Variants in THSD7B observed in about 807,000 individuals in gnomAD.
The protein encoded by THSD7B is thrombospondin type 1 domain containing 7B, also known as thrombospondin type-1 domain-containing protein 7B.
In THSD7B, 138 loss-of-function variants were observed where a neutral mutation model predicts 213.6. The observed-to-expected ratio is 0.65, with a 90% CI of 0.56 to 0.74. THSD7B has a LOEUF of 0.74. Among genes scored for constraint, THSD7B ranks in the 30% least tolerant of loss-of-function variants. The pLI is 0.00. For synonymous variants in THSD7B, 742 were observed against 687.0 expected (o/e 1.08, Z -1.25); for missense variants, 1,931 against 1,991.5 (o/e 0.97, Z 0.58).
At chr2:136,832,161 G>A (rs1682767052) in intron 1 of THSD7B, among the ~76,000 whole-genome samples, 1 of 143,698 alleles carries the variant, frequency 7.0e-6, no homozygotes, top group Non-Finnish European at 1.5e-5. Flanking sequence ...AGAATCAATA[G>A]GATATACATC....
At chr2:137,585,370 GC>G (rs1681698832) in intron 17 of THSD7B, among the ~76,000 whole-genome samples, 1 of 151,762 alleles carries the variant, frequency 6.6e-6, no homozygotes, top group Non-Finnish European at 1.5e-5. Flanking sequence ...GTTATTTCTT[GC>G]CTTCTGCTAG....
intron 2 of THSD7B, among the ~76,000 whole-genome samples, chr2:136,961,942 C>T (rs894654090): frequency 1.3e-5 from 2 of 152,140 alleles, no homozygotes; most frequent in African/African-American, 2.4e-5. Context: ...TCCTAATGCC[C>T]AGGATGTATG....
chr2:137,465,450 T>C (rs1687974456), intron 15 of THSD7B, among the ~76,000 whole-genome samples: 2 of 152,240 alleles, frequency 1.3e-5, no homozygotes, highest in South Asian at 4.1e-4. Context: ...GAATATCTAG[T>C]AATGTGATCC....
chr2:137,246,752 C>A (rs1394983591), intron 10 of THSD7B, among the ~76,000 whole-genome samples: 2 of 151,442 alleles, frequency 1.3e-5, no homozygotes, highest in Non-Finnish European at 2.9e-5. Flanking sequence ...TATCACGAAC[C>A]ATTTCCTTTG....
chr2:136,787,070 T>C (rs1681869266), intron 1 of THSD7B, among the ~76,000 whole-genome samples: 1 of 152,090 alleles, frequency 6.6e-6, no homozygotes, highest in Non-Finnish European at 1.5e-5. Flanking sequence ...GAAGAAAGCA[T>C]AGGGTAATTT....
At chr2:137,449,729 C>T (rs1231068694) in intron 14 of THSD7B, among the ~76,000 whole-genome samples, 1 of 152,120 alleles carries the variant, frequency 6.6e-6, no homozygotes, top group Non-Finnish European at 1.5e-5. Flanking sequence ...TCAAGGCCAG[C>T]AGGAGAATCT....
intron 17 of THSD7B, among the ~76,000 whole-genome samples, chr2:137,608,132 T>C (rs1338273946): frequency 2.0e-5 from 3 of 152,206 alleles, no homozygotes; most frequent in Admixed American, 2.0e-4. Flanking sequence ...ACTGGGAGCA[T>C]CTTTTGTGCA....
chr2:137,412,027 A>T, intron 14 of THSD7B, 155 bp downstream of exon 14: 1 of 835,664 alleles, frequency 1.2e-6, no homozygotes, highest in Non-Finnish European at 1.8e-6. Flanking sequence ...GGACAGATGA[A>T]ATGCATACAT....
chr2:137,098,732 C>A (rs547524737), intron 4 of THSD7B, among the ~76,000 whole-genome samples: 10 of 152,218 alleles, frequency 6.6e-5, no homozygotes, highest in Admixed American at 5.2e-4. Flanking sequence ...GGGGGATACT[C>A]TTCTCATTGC....
At chr2:136,875,035 C>A (rs1346305951) in intron 1 of THSD7B, among the ~76,000 whole-genome samples, 3 of 152,116 alleles carry the variant, frequency 2.0e-5, no homozygotes, top group Non-Finnish European at 4.4e-5. Context: ...AAAATGACTC[C>A]CAATACTTTC....
intron 17 of THSD7B, among the ~76,000 whole-genome samples, chr2:137,583,354 T>A (rs1371568172): frequency 6.6e-6 from 1 of 152,240 alleles, no homozygotes; most frequent in Admixed American, 6.5e-5. Context: ...TAGATCCCAT[T>A]TGTCAATTTT....
intron 3 of THSD7B, among the ~76,000 whole-genome samples, chr2:137,069,753 T>C (rs1687445840): frequency 6.6e-6 from 1 of 151,804 alleles, no homozygotes; most frequent in African/African-American, 2.4e-5. Flanking sequence ...TAAAAATAAG[T>C]CCCCAAACAA....
rs57966736 is a variant in THSD7B at position 137,054,994 on chromosome 2, A to G, written c.140-1426A>G. ...CCCCTCCCTGTGTCCATGTGTTCTC[A>G]TTGTTCAACTCCCACTTATGAGTGA... On this transcript the variant is annotated intron_variant, in intron 2 of 27. Coordinates refer to ENST00000409968, the MANE Select transcript of THSD7B (RefSeq NM_001316349.2). Among the ~76,000 whole-genome samples, 307 of 152,056 alleles carry G rather than the reference A, an allele frequency of 2.0e-3. 11 individuals are homozygous for G. In the East Asian group the frequency reaches 0.055, roughly 27 times the overall value.
chr2:137,278,719 G>A (rs1440236344), intron 12 of THSD7B, among the ~76,000 whole-genome samples: 1 of 152,108 alleles, frequency 6.6e-6, no homozygotes, highest in Non-Finnish European at 1.5e-5. Flanking sequence ...TGTCAGGAGG[G>A]ATGTCTTAAC....
intron 2 of THSD7B, among the ~76,000 whole-genome samples, chr2:136,916,994 A>G (rs1684361030): frequency 6.6e-6 from 1 of 152,232 alleles, no homozygotes; most frequent in African/African-American, 2.4e-5. Flanking sequence ...TGAGGCTATA[A>G]AAAGAAAGGT....
chr2:136,859,648 A>G (rs1265298967), intron 1 of THSD7B, among the ~76,000 whole-genome samples: 1 of 152,232 alleles, frequency 6.6e-6, no homozygotes, highest in Admixed American at 6.5e-5. Context: ...TGTGCAAGGT[A>G]TGCCCCTTCT....
At chr2:137,252,887 C>A (rs1212501713) in intron 10 of THSD7B, among the ~76,000 whole-genome samples, 1 of 144,888 alleles carries the variant, frequency 6.9e-6, no homozygotes. Context: ...AAGAGACTAG[C>A]ATGTTTCCAA....
At chr2:136,808,777 T>A (rs1454733956) in intron 1 of THSD7B, among the ~76,000 whole-genome samples, 1 of 152,258 alleles carries the variant, frequency 6.6e-6, no homozygotes, top group Admixed American at 6.5e-5. Flanking sequence ...CTGGCCACAG[T>A]TAAAGCTACC....
intron 12 of THSD7B, among the ~76,000 whole-genome samples, chr2:137,372,778 T>G (rs907443120): frequency 6.6e-6 from 1 of 151,838 alleles, no homozygotes; most frequent in Non-Finnish European, 1.5e-5. Flanking sequence ...ACATGTGCCA[T>G]GCTGGTGTGC....
Sources: allele counts gnomAD v4.1 joint callset (sites outside exome capture counted in the v4.1 genomes callset), GRCh38; gene constraint gnomAD v4.1.1; transcripts MANE v1.5; gene names NCBI Gene and HGNC (gene_info 2026-07-23, HGNC 2026-07-21).